DDHD2: variants seen among roughly 807,000 people sequenced by gnomAD.
DDHD2 encodes the protein triacylglycerol hydrolase DDHD2.
A neutral mutation model predicts 91.2 loss-of-function variants in DDHD2; 62 were observed. The observed-to-expected ratio is 0.68, with a 90% CI of 0.55 to 0.84. The LOEUF (loss-of-function observed/expected upper bound fraction) is 0.84, where lower values mean the gene tolerates loss of function less well. DDHD2 is among the 40% of genes least tolerant of loss of function. DDHD2 has a pLI of 0.00. For synonymous variants in DDHD2, 271 were observed against 293.9 expected, an observed-to-expected ratio of 0.92 and a Z score of 0.80; for missense variants, 740 against 846.9, an observed-to-expected ratio of 0.87 and a Z score of 1.57.
At position 38,249,773 on chromosome 8, in the gene DDHD2, A is replaced by G. The variant is rs767358212; in HGVS notation, c.1314A>G (p.Leu438=). ...GIPLGPRKKI[L]NYFSTRKNSM... is the part of the protein sequence containing the mutation. ...CTTTAGGACCAAGAAAGAAGATATTAAACTATTTCAGCACCAGAAAAAACT... is the reference window on the plus strand; with the variant it reads ...CTTTAGGACCAAGAAAGAAGATATTGAACTATTTCAGCACCAGAAAAAACT... Residue 438 remains leucine, a synonymous_variant, in exon 11 of 18, where the codon TTA becomes TTG. Transcript: ENST00000397166. 2.5e-6 allele frequency: 4 copies of G among 1,612,002 alleles called. No homozygotes were observed. The East Asian group carries it at 8.9e-5, about 36-fold the overall frequency.
chr8:38,264,842 T>C (rs1008638518), downstream of DDHD2: 2 of 1,594,566 alleles, frequency 1.3e-6, no homozygotes, highest in African/African-American at 2.7e-5. Flanking sequence ...TAAGTAAGTA[T>C]AATAAGCTTT....
At position 38,247,827 on chromosome 8, in the gene DDHD2, G is replaced by A. The variant is rs188991019; in HGVS notation, c.1240G>A (p.Glu414Lys). 21 of 1,560,322 alleles carry A rather than the reference G, an allele frequency of 1.3e-5. No homozygotes were observed. In the African/African-American group the frequency reaches 2.8e-4, roughly 21 times the overall value. ...CTTTGAGAAGGAGAAAGTAGATAAG[G>A]AAGCTCTGGTAAAAATAATCTTTTA... The part of the protein sequence containing the change: ...DIFEKEKVDK[E>K]ALALCTDRDL... Residue 414 changes from glutamate (E) to lysine (K), a missense_variant, in exon 10 of 18, where the codon GAA becomes AAA. By Grantham distance (56) the Glu-to-Lys change is moderately conservative. Transcript: ENST00000397166.
intron 9 of DDHD2, 149 bp downstream of exon 9, chr8:38,246,449 T>C: frequency 5.0e-6 from 3 of 604,728 alleles, no homozygotes; most frequent in Non-Finnish European, 8.7e-6. Context: ...CTTTTAATTA[T>C]CTCTGTCATT....
rs1360275010 is a variant in DDHD2, at chr8:38,259,948, A to G, written c.2055-92A>G. 3 of 804,138 alleles carry G rather than the reference A, an allele frequency of 3.7e-6. No homozygotes were observed. The East Asian group carries it at 7.4e-5, about 20-fold the overall frequency. The allele number at this position is 804,138 out of a possible 1,614,324, so 49.8% of individuals were successfully genotyped here. On this transcript the variant is annotated intron_variant, in intron 16 of 17. Transcript: ENST00000397166. The stretch of plus-strand genomic sequence containing the variant: ...TGCAGAAGTAAAAAATAAACTTGCA[A>G]GATGGTTGTATGGATTAAATGAGAT...
intron 16 of DDHD2, among the ~76,000 whole-genome samples, chr8:38,256,289 C>T (rs896734707): frequency 2.6e-5 from 4 of 151,992 alleles, no homozygotes; most frequent in African/African-American, 4.8e-5. Context: ...TGTTGTTTGG[C>T]GTTTAGCTTA....
intron 16 of DDHD2, among the ~76,000 whole-genome samples, chr8:38,256,966 C>T (rs1368490577): frequency 6.6e-6 from 1 of 151,926 alleles, no homozygotes; most frequent in Non-Finnish European, 1.5e-5. Context: ...CTCTATCACC[C>T]AGGCTGGAGT....
At position 38,233,321 on chromosome 8, in the gene DDHD2, C is replaced by T. The variant is rs1035970506; in HGVS notation, c.220+107C>T. 8 of 786,676 alleles carry T rather than the reference C, an allele frequency of 1.0e-5. 1 individual carries two copies. In the African/African-American group the frequency reaches 1.4e-4, roughly 14 times the overall value. 48.7% of individuals were successfully genotyped at this position (786,676 alleles called of 1,614,324 possible). A position where few individuals can be genotyped will look rare whatever the true frequency, so the allele number is the denominator to read the frequency against. The stretch of plus-strand genomic sequence containing the variant: ...ATGAAAACCAAATTTTAGATTTTTC[C>T]AGTTACATAATTTCTTACAGCATTT... On this transcript the variant is annotated intron_variant, in intron 2 of 17. Coordinates refer to ENST00000397166, the MANE Select transcript of DDHD2 (RefSeq NM_015214.3).
At chr8:38,266,311 A>T (rs766317294), downstream of DDHD2, 7 of 1,610,542 alleles carry the variant, frequency 4.3e-6, no homozygotes, top group Non-Finnish European at 5.9e-6. Flanking sequence ...AGCAAATGCA[A>T]CTGGAACAAG....
At chr8:38,254,882 T>C (rs1806388225) in intron 16 of DDHD2, among the ~76,000 whole-genome samples, 2 of 149,274 alleles carry the variant, frequency 1.3e-5, no homozygotes, top group South Asian at 4.3e-4. Context: ...AGCGAGACCA[T>C]GTCTGAAAAA....
intron 5 of DDHD2, among the ~76,000 whole-genome samples, chr8:38,239,547 TGTG>T (rs1415929049): frequency 6.8e-6 from 1 of 148,036 alleles, no homozygotes; most frequent in Admixed American, 6.7e-5. Flanking sequence ...ATTAGCCAGG[TGTG>T]GTGGCGTGTG....
chr8:38,268,969 CG>C (rs749442059), intron 1 of DDHD2: 10 of 1,566,850 alleles, frequency 6.4e-6, no homozygotes, highest in Admixed American at 4.1e-5. Context: ...GTCTCTGGAA[CG>C]GGGGGAGCAG....
At position 38,252,300 on chromosome 8, in the gene DDHD2, C is replaced by T. The variant is rs764477884; in HGVS notation, c.1617+13C>T. 2.1e-5 allele frequency: 34 copies of T among 1,596,350 alleles called. 1 individual carries two copies. In the South Asian group the frequency reaches 3.6e-4, roughly 17 times the overall value. On this transcript the variant is annotated intron_variant, in intron 13 of 17. Transcript: ENST00000397166. ...TATTTATCACCCTGTAAGCATTGTA[C>T]AGCTATTGTGGTTTTACCTAAATAT...
intron 11 of DDHD2, chr8:38,251,066 G>A (rs932277096): frequency 6.6e-6 from 1 of 151,944 alleles, no homozygotes; most frequent in South Asian, 2.1e-4. Flanking sequence ...TTCTTTTTGA[G>A]TCGGAGTGTT....
intron 13 of DDHD2, 109 bp downstream of exon 13, chr8:38,252,396 AAT>A (rs1806180466): frequency 1.6e-6 from 2 of 1,236,750 alleles, no homozygotes; most frequent in Admixed American, 4.6e-5. Context: ...ATTGTCTAGC[AAT>A]GAGACAACTT....
downstream of DDHD2, chr8:38,267,709 A>G: frequency 6.0e-6 from 4 of 670,298 alleles, no homozygotes; most frequent in Non-Finnish European, 7.5e-6. Context: ...CAGGCAGAAA[A>G]GAGCCCAGGT....
intron 15 of DDHD2, 124 bp from the exon 16 acceptor site, chr8:38,253,432 G>A (rs1806266138): frequency 2.3e-6 from 2 of 871,458 alleles, no homozygotes; most frequent in Non-Finnish European, 3.5e-6. Context: ...AGGAAGATGG[G>A]AGAGAGCTCT....
intron 15 of DDHD2, 92 bp from the exon 16 acceptor site, chr8:38,253,462 TTC>T (rs1358821813): frequency 5.1e-5 from 56 of 1,098,696 alleles, no homozygotes; most frequent in Non-Finnish European, 5.0e-5. Flanking sequence ...GAGTAGCTCA[TTC>T]TCTGGTAAAC....
At position 38,247,749 on chromosome 8, in the gene DDHD2, C is replaced by A; in HGVS notation, c.1162C>A (p.Pro388Thr). The change falls in exon 10 of 18, where the codon CCT becomes ACT. Residue 388 changes from proline to threonine, a missense_variant. Physicochemically the swap from Pro to Thr is conservative, Grantham distance 38 (BLOSUM62 -1). Coordinates refer to ENST00000397166, the MANE Select transcript of DDHD2 (RefSeq NM_015214.3). ...LNIVMDQGDT[P>T]TLEEDLKKLQ... ...TATTGTAATGGATCAAGGAGATACA[C>A]CTACACTAGAGGAAGATTTGAAGAA... 1 of 1,567,080 alleles carries A rather than the reference C, an allele frequency of 6.4e-7. No homozygotes were observed. Among genetic ancestry groups the A allele is most frequent in the Non-Finnish European group, 8.7e-7 (1 of 1,151,598 alleles).
At chr8:38,252,058 C>A (rs764997411) in intron 12 of DDHD2, 30 bp downstream of exon 12, 5 of 1,611,646 alleles carry the variant, frequency 3.1e-6, no homozygotes, top group Non-Finnish European at 4.2e-6. Context: ...CATTTTACAG[C>A]CTGCTATTTG....
Sources: allele counts gnomAD v4.1 joint callset (sites outside exome capture counted in the v4.1 genomes callset), GRCh38; gene constraint gnomAD v4.1.1; transcripts MANE v1.5; gene names NCBI Gene and HGNC (gene_info 2026-07-23, HGNC 2026-07-21).